The following SYN3 variants were observed in gnomAD, a reference collection of about 807,000 sequenced individuals.
SYN3 encodes the protein synapsin-3.
In SYN3, 35 loss-of-function variants were observed where a neutral mutation model predicts 65.8. That is an observed-to-expected ratio of 0.53 (90% CI 0.41 to 0.70). The LOEUF (loss-of-function observed/expected upper bound fraction) is 0.70. Ranked by LOEUF, SYN3 falls within the 30% of genes least tolerant of loss-of-function variation. The pLI, the probability that SYN3 is intolerant of heterozygous loss-of-function variation, is 0.00. For synonymous variants in SYN3, 270 were observed against 292.9 expected (o/e 0.92, Z 0.80); for missense variants, 680 against 749.0 (o/e 0.91, Z 1.08).
rs1417665002 is a variant in SYN3, at chr22:32,556,795, GGTTTCCTGGT to G, written c.775-15092_775-15083del. On this transcript the variant is annotated intron_variant, in intron 7 of 13. Transcript: ENST00000358763. ...CAATGACCCAATGACCCAATCTATA[GGTTTCCTGGT>G]TTTTTTTTTTTTTTTTTTTTTTTTT... Among the ~76,000 whole-genome samples the G allele has an allele frequency of 5.2e-4, 45 of 87,194 alleles. 5 individuals are homozygous for G. The highest frequency in any genetic ancestry group is 1.7e-3 in the African/African-American group (31 of 18,338). 57.2% of individuals were successfully genotyped at this position (87,194 alleles called of 152,430 possible). A position where few individuals can be genotyped will look rare whatever the true frequency, so the allele number is the denominator to read the frequency against.
chr22:32,936,970 T>G (rs903591314), intron 3 of SYN3, among the ~76,000 whole-genome samples: 1 of 152,220 alleles, frequency 6.6e-6, no homozygotes, highest in African/African-American at 2.4e-5. Context: ...TCAAGTTTAT[T>G]ACAAGTAACT....
chr22:32,790,548 C>T (rs1327736290), intron 6 of SYN3, among the ~76,000 whole-genome samples: 2 of 151,978 alleles, frequency 1.3e-5, no homozygotes, highest in East Asian at 3.9e-4. Context: ...GCCTCAGCCT[C>T]CCAAGTAGCT....
chr22:32,688,897 G>A (rs1054322581), intron 6 of SYN3, among the ~76,000 whole-genome samples: 1 of 152,110 alleles, frequency 6.6e-6, no homozygotes, highest in South Asian at 2.1e-4. Flanking sequence ...GGGGCCTGGG[G>A]GTGAGCAAAG....
chr22:32,564,752 C>T (rs186450688), intron 7 of SYN3, among the ~76,000 whole-genome samples: 53 of 146,492 alleles, frequency 3.6e-4, no homozygotes, highest in African/African-American at 1.3e-3. Context: ...TGGGCTGCAC[C>T]CAGTGCTCCC....
chr22:32,943,789 G>T (rs996315692), intron 3 of SYN3, among the ~76,000 whole-genome samples: 6 of 152,120 alleles, frequency 3.9e-5, no homozygotes, highest in Non-Finnish European at 8.8e-5. Flanking sequence ...AAAGGCAGGG[G>T]TTGCAATCCT....
At chr22:32,740,521 A>G (rs930456265) in intron 6 of SYN3, among the ~76,000 whole-genome samples, 5 of 152,218 alleles carry the variant, frequency 3.3e-5, no homozygotes, top group Admixed American at 6.5e-5. Context: ...GCAAAATAGC[A>G]GAGTTGTAAA....
chr22:32,539,361 G>T (rs2146223209), intron 8 of SYN3, among the ~76,000 whole-genome samples: 1 of 152,238 alleles, frequency 6.6e-6, no homozygotes, highest in East Asian at 1.9e-4. Context: ...TTCTCTGTTG[G>T]AGTGGGAAGT....
intron 6 of SYN3, among the ~76,000 whole-genome samples, chr22:32,760,825 A>G (rs1251616721): frequency 6.6e-6 from 1 of 152,214 alleles, no homozygotes; most frequent in African/African-American, 2.4e-5. Flanking sequence ...TTTTAGCAGG[A>G]CCAAAGAGAA....
rs565852178 is a variant in SYN3, at chr22:32,725,403, C to A, written c.712-128667G>T. ...AAACTTTTGCTTTCAGTCTTTAGAA[C>A]AATTCCCCGTCCCTCCACTCCAAAG... is the stretch of plus-strand genomic sequence containing the variant. On this transcript the variant is annotated intron_variant, in intron 6 of 13. Coordinates refer to ENST00000358763, the MANE Select transcript of SYN3 (RefSeq NM_003490.4). Among the ~76,000 whole-genome samples the A allele has an allele frequency of 2.7e-4, 41 of 152,288 alleles. No individual in the cohort carries two copies. The South Asian group carries it at 8.1e-3, about 30-fold the overall frequency.
intron 6 of SYN3, among the ~76,000 whole-genome samples, chr22:32,614,996 G>A (rs1172640262): frequency 6.6e-6 from 1 of 152,064 alleles, no homozygotes; most frequent in Non-Finnish European, 1.5e-5. Flanking sequence ...ACTGCCAATG[G>A]GGAAGAATAA....
intron 6 of SYN3, among the ~76,000 whole-genome samples, chr22:32,719,834 T>C (rs908419417): frequency 6.6e-6 from 1 of 152,060 alleles, no homozygotes; most frequent in East Asian, 1.9e-4. Context: ...AGAGCAAGAC[T>C]GTCTCAGAAA....
chr22:32,858,181 T>TG, intron 6 of SYN3: 2 of 1,609,372 alleles, frequency 1.2e-6, no homozygotes, highest in Non-Finnish European at 1.7e-6. Flanking sequence ...AGGTGCTGAC[T>TG]TGCAGCCCTA....
intron 7 of SYN3, among the ~76,000 whole-genome samples, chr22:32,586,716 G>A (rs184135222): frequency 1.5e-3 from 234 of 152,158 alleles, no homozygotes; most frequent in African/African-American, 5.2e-3. Flanking sequence ...AAACTGCTGC[G>A]AGATTTCATT....
intron 6 of SYN3, among the ~76,000 whole-genome samples, chr22:32,720,407 G>A (rs1482562815): frequency 6.6e-6 from 1 of 152,164 alleles, no homozygotes; most frequent in African/African-American, 2.4e-5. Context: ...TGCTGGTTAC[G>A]GTGGAGGAAA....
At chr22:32,770,893 ATTAT>A (rs1257361332) in intron 6 of SYN3, among the ~76,000 whole-genome samples, 2 of 66,552 alleles carry the variant, frequency 3.0e-5, no homozygotes, top group African/African-American at 2.4e-4. Context: ...AGTTATTATT[ATTAT>A]TTATTTATTT....
rs1851809672 is a variant in SYN3, at chr22:32,547,175, A to T, written c.775-5462T>A. 4.0e-5 allele frequency among the ~76,000 whole-genome samples: 6 copies of T among 151,872 alleles called. No individual in the cohort carries two copies. In the South Asian group the frequency reaches 1.3e-3, roughly 32 times the overall value. On this transcript the variant is annotated intron_variant, in intron 7 of 13. Transcript: ENST00000358763. ...CTTTGTCGTATTTTTTGTAGAAATG[A>T]AATTTCCCCATGTTGCCCAGGCTGG...
intron 6 of SYN3, among the ~76,000 whole-genome samples, chr22:32,720,597 C>A (rs1338174212): frequency 3.9e-5 from 6 of 152,204 alleles, no homozygotes; most frequent in Non-Finnish European, 8.8e-5. Flanking sequence ...TTTCACTGCC[C>A]AGTGAATAGC....
intron 3 of SYN3, among the ~76,000 whole-genome samples, chr22:32,935,268 T>C (rs1020197291): frequency 6.7e-6 from 1 of 149,836 alleles, no homozygotes; most frequent in Non-Finnish European, 1.5e-5. Flanking sequence ...GCACCTAGAC[T>C]CATTCTCTCT....
intron 4 of SYN3, among the ~76,000 whole-genome samples, chr22:32,876,430 A>T (rs2048983636): frequency 6.6e-6 from 1 of 152,218 alleles, no homozygotes; most frequent in African/African-American, 2.4e-5. Flanking sequence ...ACTGGCAGTT[A>T]AATCATGTTC....
Sources: gnomAD v4.1 joint callset for allele counts (sites outside exome capture counted in the v4.1 genomes callset) on GRCh38, gnomAD v4.1.1 for gene constraint, MANE v1.5 for transcripts, NCBI Gene and HGNC (gene_info 2026-07-23, HGNC 2026-07-21) for gene names.